DAAM2: variants seen among roughly 807,000 people sequenced by gnomAD.
DAAM2 encodes the protein disheveled-associated activator of morphogenesis 2.
In DAAM2, 39 loss-of-function variants were observed where a neutral mutation model predicts 120.7. The ratio of observed to expected loss-of-function variants is 0.32; its 90% confidence interval spans 0.25 to 0.42. The LOEUF (loss-of-function observed/expected upper bound fraction) is 0.42, where lower values mean the gene tolerates loss of function less well. Ranked by LOEUF, DAAM2 falls within the 10% of genes least tolerant of loss-of-function variation. DAAM2 has a pLI of 1.00. For synonymous variants in DAAM2, 488 were observed against 524.9 expected (o/e 0.93, Z 0.96); for missense variants, 1,283 against 1,401.7 (o/e 0.92, Z 1.35).
intron 10 of DAAM2, among the ~76,000 whole-genome samples, chr6:39,874,318 G>A (rs968511203): frequency 2.6e-5 from 4 of 152,234 alleles, no homozygotes; most frequent in African/African-American, 9.6e-5. Flanking sequence ...TGGGTGAAAA[G>A]TAGATGGTAA....
chr6:39,893,424 A>T (rs927491785), intron 19 of DAAM2, among the ~76,000 whole-genome samples: 12 of 152,176 alleles, frequency 7.9e-5, no homozygotes, highest in Admixed American at 5.9e-4. Context: ...AGGCTGAGGC[A>T]GGAGAATGGC....
intron 1 of DAAM2, among the ~76,000 whole-genome samples, chr6:39,832,278 A>G (rs895900046): frequency 5.3e-5 from 8 of 151,992 alleles, no homozygotes; most frequent in Non-Finnish European, 1.2e-4. Context: ...GGGGTCCCAG[A>G]GGCTCCCCTT....
intron 14 of DAAM2, among the ~76,000 whole-genome samples, chr6:39,880,824 A>G (rs1472852987): frequency 3.3e-5 from 5 of 152,338 alleles, no homozygotes; most frequent in Non-Finnish European, 7.3e-5. Context: ...GCAGCATTCA[A>G]AGCAAGATTG....
intron 1 of DAAM2, among the ~76,000 whole-genome samples, chr6:39,851,389 T>C (rs1008665025): frequency 2.0e-5 from 3 of 152,170 alleles, no homozygotes; most frequent in Non-Finnish European, 4.4e-5. Flanking sequence ...GCATTTTTGG[T>C]TTTTTCTCCA....
intron 1 of DAAM2, among the ~76,000 whole-genome samples, chr6:39,827,098 T>G (rs775395194): frequency 1.3e-5 from 2 of 152,230 alleles, no homozygotes; most frequent in Non-Finnish European, 2.9e-5. Flanking sequence ...TCCACTTAAG[T>G]AGAAACTCAG....
intron 14 of DAAM2, chr6:39,879,774 A>G (rs1425710076): frequency 3.8e-6 from 2 of 520,432 alleles, no homozygotes; most frequent in South Asian, 2.0e-5. Flanking sequence ...AACACTGAGT[A>G]GAATTCAAGG....
At chr6:39,798,317 T>G (rs1233383280) in intron 1 of DAAM2, among the ~76,000 whole-genome samples, 2 of 152,316 alleles carry the variant, frequency 1.3e-5, no homozygotes, top group East Asian at 3.9e-4. Context: ...AATACCTCCC[T>G]CATAGGATGA....
chr6:39,873,909 A>G (rs1764765345), intron 10 of DAAM2, among the ~76,000 whole-genome samples: 1 of 152,186 alleles, frequency 6.6e-6, no homozygotes, highest in Non-Finnish European at 1.5e-5. Context: ...ATTGTACATA[A>G]TTGCTAATAG....
At chr6:39,808,342 CT>C (rs1762067850) in intron 1 of DAAM2, among the ~76,000 whole-genome samples, 1 of 152,158 alleles carries the variant, frequency 6.6e-6, no homozygotes, top group African/African-American at 2.4e-5. Flanking sequence ...ACAGGCTGTC[CT>C]TTTGATAAGG....
chr6:39,805,445 T>C (rs1761981608), intron 1 of DAAM2, among the ~76,000 whole-genome samples: 1 of 152,184 alleles, frequency 6.6e-6, no homozygotes, highest in Admixed American at 6.5e-5. Context: ...TTTCTTTCCA[T>C]TGGAATGCTA....
At chr6:39,867,308 A>AG in intron 5 of DAAM2, 1 of 590,172 alleles carries the variant, frequency 1.7e-6, no homozygotes, top group Non-Finnish European at 3.0e-6. Flanking sequence ...ATGCAAATAC[A>AG]GAGTATTTAA....
chr6:39,844,315 G>C (rs1007308313), intron 1 of DAAM2, among the ~76,000 whole-genome samples: 2 of 152,088 alleles, frequency 1.3e-5, no homozygotes, highest in Non-Finnish European at 2.9e-5. Context: ...GGGGGGTTGA[G>C]GGGAGGTATG....
At position 39,873,159 on chromosome 6, in the gene DAAM2, G is replaced by A. The variant is rs1764730157; in HGVS notation, c.1045-79G>A. The A allele has an allele frequency of 5.5e-6, 5 of 908,258 alleles. No homozygotes were observed. The South Asian group carries it at 7.1e-5, about 13-fold the overall frequency. 56.3% of individuals were successfully genotyped at this position (908,258 alleles called of 1,614,324 possible). On this transcript the variant is annotated intron_variant, in intron 9 of 24. Coordinates refer to ENST00000274867, the MANE Select transcript of DAAM2 (RefSeq NM_001201427.2). ...CTTTCCTATGAGACAGGGCATAGTG[G>A]ATGGAAGCAGGGTCTTCTCTCTCCT...
chr6:39,830,125 A>G (rs778876643), intron 1 of DAAM2, among the ~76,000 whole-genome samples: 8 of 152,158 alleles, frequency 5.3e-5, no homozygotes, highest in Non-Finnish European at 8.8e-5. Context: ...CGCATCCTAC[A>G]GTGCACAGTG....
intron 1 of DAAM2, among the ~76,000 whole-genome samples, chr6:39,818,275 T>C (rs1299033560): frequency 1.3e-5 from 2 of 150,330 alleles, no homozygotes; most frequent in Non-Finnish European, 2.9e-5. Flanking sequence ...ACACATAAAA[T>C]TAACCCTTCA....
intron 15 of DAAM2, 98 bp downstream of exon 15, chr6:39,884,167 TTTCC>T: frequency 1.5e-6 from 1 of 670,128 alleles, no homozygotes; most frequent in East Asian, 2.7e-5. Context: ...TTTCCTTTCC[TTTCC>T]TTCCTTCCCT....
At position 39,901,605 on chromosome 6, in the gene DAAM2, C is replaced by A; in HGVS notation, c.2982+133C>A. ...AACACCATAGGGGTTGGATGTCAGCCCCAGGAGAGAGAAACTTCTTCCCAG... is the reference window on the plus strand; with the variant it reads ...AACACCATAGGGGTTGGATGTCAGCACCAGGAGAGAGAAACTTCTTCCCAG... On this transcript the variant is annotated intron_variant, in intron 24 of 24. Transcript: ENST00000274867. The surrounding 1 kb of genome is among the most constrained non-coding windows in gnomAD (Gnocchi z 4.5). 1.8e-6 allele frequency: 2 copies of A among 1,119,860 alleles called. No homozygotes were observed. The highest frequency in any genetic ancestry group is 2.5e-6 in the Non-Finnish European group (2 of 808,062). 69.4% of individuals were successfully genotyped at this position (1,119,860 alleles called of 1,614,324 possible). A position where few individuals can be genotyped will look rare whatever the true frequency, so the allele number is the denominator to read the frequency against.
intron 5 of DAAM2, 133 bp downstream of exon 5, chr6:39,865,207 T>C: frequency 1.5e-6 from 1 of 650,672 alleles, no homozygotes; most frequent in Admixed American, 2.2e-5. Flanking sequence ...TGACTTCACT[T>C]CCCAGCCCCT....
At chr6:39,800,621 C>A (rs1761833585) in intron 1 of DAAM2, among the ~76,000 whole-genome samples, 1 of 152,152 alleles carries the variant, frequency 6.6e-6, no homozygotes, top group Admixed American at 6.5e-5. Flanking sequence ...ACATGGTTAG[C>A]CTTTTTGGAG....
Sources: gnomAD v4.1 joint callset for allele counts (sites outside exome capture counted in the v4.1 genomes callset) on GRCh38, gnomAD v4.1.1 for gene constraint, Gnocchi (gnomAD v3.1) non-coding constraint, MANE v1.5 for transcripts, NCBI Gene and HGNC (gene_info 2026-07-23, HGNC 2026-07-21) for gene names.